ATP11A: variants seen among roughly 807,000 people sequenced by gnomAD.
ATP11A encodes ATPase phospholipid transporting 11A, also known as phospholipid-transporting ATPase IH.
In ATP11A, 81 loss-of-function variants were observed where a neutral mutation model predicts 154.4. The ratio of observed to expected loss-of-function variants is 0.52; its 90% CI spans 0.44 to 0.63. The LOEUF is 0.63. ATP11A is among the 30% of genes least tolerant of loss of function. The pLI is 0.00. For synonymous variants in ATP11A, 623 were observed against 585.9 expected, an observed-to-expected ratio of 1.06 and a Z score of -0.91; for missense variants, 1,316 against 1,474.3, an observed-to-expected ratio of 0.89 and a Z score of 1.76.
chr13:112,775,461 C>T (rs1351081684), intron 1 of ATP11A, among the ~76,000 whole-genome samples: 5 of 152,190 alleles, frequency 3.3e-5, no homozygotes, highest in Admixed American at 3.3e-4. Context: ...CCTGGGGCCT[C>T]CAGGACATGC....
chr13:112,885,275 C>T lies in ATP11A; in HGVS notation c.*3409C>T, dbSNP rs1349063568. 2 of 152,180 alleles carry T rather than the reference C, an allele frequency of 1.3e-5. No homozygotes were observed. The highest frequency in any genetic ancestry group is 2.1e-4 in the South Asian group (1 of 4,834). 9.4% of individuals were successfully genotyped at this position (152,180 alleles called of 1,614,324 possible). On this transcript the variant is annotated 3_prime_UTR_variant, in exon 30 of 30. Coordinates refer to ENST00000375645, the MANE Select transcript of ATP11A (RefSeq NM_015205.3). ...ACAGGTAAGCACACATGTACAAGCT[C>T]CTACAGGCTTGCTCTCACACACGTG...
rs1449632212 is a variant in ATP11A, at chr13:112,746,921, A to G, written c.40-38214A>G. 2.0e-5 allele frequency: 3 copies of G among 151,348 alleles called. No individual in the cohort carries two copies. The highest frequency in any genetic ancestry group is 1.3e-4 in the Admixed American group (2 of 15,188). 9.4% of individuals were successfully genotyped at this position (151,348 alleles called of 1,614,324 possible). A position where few individuals can be genotyped will look rare whatever the true frequency, so the allele number is the denominator to read the frequency against. On this transcript the variant is annotated intron_variant, in intron 1 of 29. Coordinates refer to ENST00000375645, the MANE Select transcript of ATP11A (RefSeq NM_015205.3). The surrounding 1 kb of genome is among the most constrained non-coding windows in gnomAD (Gnocchi z 4.1). ...TTAGACCTTCTTGCTACAAATGTCTATTGAGGTTCTTTGCCTATTTTAAAA... is the reference window on the plus strand; with the variant it reads ...TTAGACCTTCTTGCTACAAATGTCTGTTGAGGTTCTTTGCCTATTTTAAAA...
intron 2 of ATP11A, among the ~76,000 whole-genome samples, chr13:112,793,614 CAA>C (rs1254436416): frequency 3.3e-5 from 5 of 152,236 alleles, no homozygotes; most frequent in African/African-American, 1.2e-4. Context: ...CGGTCATAAA[CAA>C]AAGAGTGACC....
chr13:112,698,602 A>G (rs76533333), intron 1 of ATP11A, among the ~76,000 whole-genome samples: 12,130 of 152,214 alleles, frequency 0.08, 523 homozygotes, highest in Middle Eastern at 0.12. Flanking sequence ...GAGTCAAGAG[A>G]TGGAATTTTA....
At chr13:112,729,241 A>G (rs1357817097) in intron 1 of ATP11A, among the ~76,000 whole-genome samples, 2 of 152,104 alleles carry the variant, frequency 1.3e-5, no homozygotes, top group Admixed American at 1.3e-4. Flanking sequence ...ATTGAGCCTG[A>G]CCTTATGACA....
At chr13:112,823,285 C>CT in intron 8 of ATP11A, 60 bp from the exon 9 acceptor site, 9 of 1,365,424 alleles carry the variant, frequency 6.6e-6, no homozygotes, top group Non-Finnish European at 9.4e-6. Flanking sequence ...TGCCTCTTGC[C>CT]CCCCGCCCTG....
chr13:112,803,820 TC>T, intron 2 of ATP11A, among the ~76,000 whole-genome samples: 1 of 84,562 alleles, frequency 1.2e-5, no homozygotes, highest in East Asian at 4.0e-4. Context: ...CCCTCCTTCC[TC>T]TCCTTCCCCT....
At chr13:112,804,675 G>T (rs889608676) in intron 2 of ATP11A, among the ~76,000 whole-genome samples, 1 of 151,532 alleles carries the variant, frequency 6.6e-6, no homozygotes, top group Non-Finnish European at 1.5e-5. Flanking sequence ...ACAGGTTTAC[G>T]TTTTATAAAA....
chr13:112,795,788 A>AAT (rs1417463027), intron 2 of ATP11A, among the ~76,000 whole-genome samples: 2 of 152,230 alleles, frequency 1.3e-5, no homozygotes, highest in Non-Finnish European at 2.9e-5. Flanking sequence ...TTTGAGAGAA[A>AAT]ATATATCTTT....
At chr13:112,769,288 G>GC (rs769632363) in intron 1 of ATP11A, among the ~76,000 whole-genome samples, 33 of 152,316 alleles carry the variant, frequency 2.2e-4, no homozygotes, top group Non-Finnish European at 4.4e-4. Context: ...CGTGCCTGCA[G>GC]CCCCGCCCTC....
intron 1 of ATP11A, among the ~76,000 whole-genome samples, chr13:112,778,721 T>C: frequency 8.5e-6 from 1 of 117,332 alleles, no homozygotes; most frequent in African/African-American, 3.6e-5. Flanking sequence ...CTGGAGTGAG[T>C]AGCCGCTGGA....
chr13:112,865,951 T>C (rs1320111733), intron 25 of ATP11A, among the ~76,000 whole-genome samples: 1 of 152,258 alleles, frequency 6.6e-6, no homozygotes, highest in Non-Finnish European at 1.5e-5. Context: ...GCATTTTTGA[T>C]GTGGGAATGA....
intron 8 of ATP11A, among the ~76,000 whole-genome samples, chr13:112,823,118 C>T (rs1031809720): frequency 2.0e-5 from 3 of 152,334 alleles, no homozygotes; most frequent in South Asian, 2.1e-4. Flanking sequence ...AGGCCCTTGC[C>T]GCTACTCCTG....
intron 2 of ATP11A, among the ~76,000 whole-genome samples, chr13:112,804,675 G>A (rs889608676): frequency 5.9e-5 from 9 of 151,532 alleles, no homozygotes; most frequent in African/African-American, 1.5e-4. Flanking sequence ...ACAGGTTTAC[G>A]TTTTATAAAA....
At chr13:112,749,345 C>G (rs1187950787) in intron 1 of ATP11A, among the ~76,000 whole-genome samples, 2 of 152,224 alleles carry the variant, frequency 1.3e-5, no homozygotes, top group Admixed American at 1.3e-4. Flanking sequence ...GGGAAACTTT[C>G]ATTTCGTAGC....
rs150874025 is a variant in ATP11A, at chr13:112,762,889, G to A, written c.40-22246G>A. ...GGAGCACAGGCCTTCCTCGCCGTGC[G>A]CGGCTCCTGAGCTCTGAGTGAGGCA... On this transcript the variant is annotated intron_variant, in intron 1 of 29. Transcript: ENST00000375645. 3.8e-3 allele frequency among the ~76,000 whole-genome samples: 579 copies of A among 152,366 alleles called. 2 individuals carry two copies. Among genetic ancestry groups the A allele is most frequent in the Middle Eastern group, 0.031 (9 of 294 alleles).
chr13:112,782,915 G>A (rs1052102914), intron 1 of ATP11A, among the ~76,000 whole-genome samples: 3 of 152,254 alleles, frequency 2.0e-5, no homozygotes, highest in African/African-American at 4.8e-5. Context: ...GTCCCCAGGA[G>A]CATGGAAGCC....
At chr13:112,832,184 A>T (rs2079113049) in intron 13 of ATP11A, among the ~76,000 whole-genome samples, 1 of 152,234 alleles carries the variant, frequency 6.6e-6, no homozygotes, top group South Asian at 2.1e-4. Flanking sequence ...CCGTGGCTCC[A>T]GATCTCAGCA....
rs774144856 is a variant in ATP11A at position 112,825,436 on chromosome 13, GAATGCGTTCCTC to G, written c.881_892del (p.Asn294_Leu297del). The stretch of plus-strand genomic sequence containing the variant: ...CTCTGTCCTTTTGTTTTAGATCGAT[GAATGCGTTCCTC>G]ATTGTGTATCTCTGCATTCTGATCA... On this transcript the variant is annotated inframe_deletion, in exon 11 of 30. Coordinates refer to ENST00000375645, the MANE Select transcript of ATP11A (RefSeq NM_015205.3). 1 of 1,609,870 alleles carries G rather than the reference GAATGCGTTCCTC, an allele frequency of 6.2e-7. No homozygotes were observed. Among genetic ancestry groups the G allele is most frequent in the Middle Eastern group, 1.7e-4 (1 of 6,040 alleles).
Sources: gnomAD v4.1 joint callset for allele counts (sites outside exome capture counted in the v4.1 genomes callset) on GRCh38, gnomAD v4.1.1 for gene constraint, Gnocchi (gnomAD v3.1) non-coding constraint, MANE v1.5 for transcripts, NCBI Gene and HGNC (gene_info 2026-07-23, HGNC 2026-07-21) for gene names.